RBMS3: variants seen among roughly 807,000 people sequenced by gnomAD.
RBMS3 encodes RNA binding motif single stranded interacting protein 3.
In RBMS3, 27 loss-of-function variants were observed where a neutral mutation model predicts 66.8. The ratio of observed to expected loss-of-function variants is 0.40; its 90% CI spans 0.30 to 0.56. The LOEUF (loss-of-function observed/expected upper bound fraction) is 0.56, where lower values mean the gene tolerates loss of function less well. Among genes scored for constraint, RBMS3 ranks in the 20% least tolerant of loss-of-function variants. RBMS3 has a pLI of 0.40. For synonymous variants in RBMS3, 188 were observed against 183.0 expected, an observed-to-expected ratio of 1.03 and a Z score of -0.22; for missense variants, 513 against 549.5, an observed-to-expected ratio of 0.93 and a Z score of 0.66.
At chr3:29,529,725 T>C (rs1299019814) in intron 3 of RBMS3, among the ~76,000 whole-genome samples, 2 of 152,180 alleles carry the variant, frequency 1.3e-5, no homozygotes, top group Non-Finnish European at 2.9e-5. Context: ...TCCCTAATTG[T>C]GCTTTATCTA....
intron 12 of RBMS3, among the ~76,000 whole-genome samples, chr3:29,951,407 A>T (rs1695672693): frequency 6.6e-6 from 1 of 151,860 alleles, no homozygotes; most frequent in Non-Finnish European, 1.5e-5. Context: ...TTATTTAATA[A>T]TTATTTAACA....
intron 2 of RBMS3, among the ~76,000 whole-genome samples, chr3:29,477,671 G>A (rs1223069228): frequency 6.6e-6 from 1 of 150,458 alleles, no homozygotes; most frequent in Non-Finnish European, 1.5e-5. Context: ...ATTAAAATTA[G>A]CTACTTGGGG....
At chr3:29,430,063 T>C (rs2041120122) in intron 1 of RBMS3, among the ~76,000 whole-genome samples, 1 of 152,200 alleles carries the variant, frequency 6.6e-6, no homozygotes, top group African/African-American at 2.4e-5. Context: ...TGTGCATTTG[T>C]CAGGCATTCC....
chr3:29,585,685 T>C (rs544865136), intron 3 of RBMS3, among the ~76,000 whole-genome samples: 4 of 152,274 alleles, frequency 2.6e-5, no homozygotes, highest in Middle Eastern at 3.4e-3. Flanking sequence ...ATTTCTTGAC[T>C]ATTACTTCCA....
At chr3:29,662,213 T>C (rs755436492) in intron 4 of RBMS3, among the ~76,000 whole-genome samples, 6 of 152,138 alleles carry the variant, frequency 3.9e-5, no homozygotes, top group Admixed American at 3.9e-4. Context: ...AATATACATA[T>C]GAAAACTTAT....
intron 4 of RBMS3, among the ~76,000 whole-genome samples, chr3:29,600,658 A>G (rs2048111867): frequency 6.6e-6 from 1 of 152,146 alleles, no homozygotes; most frequent in Middle Eastern, 3.2e-3. Flanking sequence ...TGAGCAACAT[A>G]AAGTAGCCAA....
intron 3 of RBMS3, among the ~76,000 whole-genome samples, chr3:29,527,754 A>G (rs2045187682): frequency 6.6e-6 from 1 of 151,832 alleles, no homozygotes; most frequent in Admixed American, 6.6e-5. Flanking sequence ...TTAACTTGTC[A>G]TTTACATTAG....
At chr3:29,294,745 A>G (rs1051107856) in intron 1 of RBMS3, among the ~76,000 whole-genome samples, 15 of 151,696 alleles carry the variant, frequency 9.9e-5, no homozygotes, top group Admixed American at 4.6e-4. Context: ...GAACTAGGAG[A>G]TGGTCTGAGT....
chr3:29,508,269 G>C (rs1280460498), intron 3 of RBMS3, among the ~76,000 whole-genome samples: 2 of 152,102 alleles, frequency 1.3e-5, no homozygotes, highest in African/African-American at 4.8e-5. Context: ...TGTTACATAG[G>C]TATACATGTG....
chr3:29,403,560 G>A (rs1258091545), intron 1 of RBMS3, among the ~76,000 whole-genome samples: 1 of 152,032 alleles, frequency 6.6e-6, no homozygotes, highest in Non-Finnish European at 1.5e-5. Flanking sequence ...CAATCATAAG[G>A]CAGATCAGAC....
intron 4 of RBMS3, among the ~76,000 whole-genome samples, chr3:29,694,400 A>G (rs942271888): frequency 2.6e-5 from 4 of 152,220 alleles, no homozygotes; most frequent in African/African-American, 9.6e-5. Context: ...TAGAAAGATA[A>G]ACCTTTTACA....
intron 1 of RBMS3, among the ~76,000 whole-genome samples, chr3:29,311,335 T>C (rs1337718438): frequency 6.6e-6 from 1 of 151,752 alleles, no homozygotes; most frequent in African/African-American, 2.4e-5. Context: ...AAAAATCTAA[T>C]AACGGTTTCT....
At chr3:29,971,497 T>C (rs1481671083) in intron 12 of RBMS3, among the ~76,000 whole-genome samples, 1 of 152,092 alleles carries the variant, frequency 6.6e-6, no homozygotes, top group African/African-American at 2.4e-5. Flanking sequence ...ATTTTAATAT[T>C]TTTCCTTTAA....
chr3:29,805,040 T>A (rs928870086), intron 6 of RBMS3, among the ~76,000 whole-genome samples: 1 of 152,008 alleles, frequency 6.6e-6, no homozygotes, highest in Non-Finnish European at 1.5e-5. Context: ...TAGTATTTTT[T>A]AAATTATCTG....
intron 2 of RBMS3, among the ~76,000 whole-genome samples, chr3:29,443,016 C>T (rs2041683488): frequency 6.6e-6 from 1 of 152,074 alleles, no homozygotes; most frequent in African/African-American, 2.4e-5. Flanking sequence ...ATATTGTCCA[C>T]CATCAACTAT....
At chr3:29,750,269 C>T (rs1376554637) in intron 5 of RBMS3, among the ~76,000 whole-genome samples, 5 of 152,074 alleles carry the variant, frequency 3.3e-5, no homozygotes, top group African/African-American at 1.2e-4. Flanking sequence ...TGTTGGGATT[C>T]TTTTCCACGA....
intron 1 of RBMS3, among the ~76,000 whole-genome samples, chr3:29,365,246 C>T (rs1269079396): frequency 1.3e-5 from 2 of 151,946 alleles, no homozygotes; most frequent in African/African-American, 2.4e-5. Context: ...GTGGGAAAGC[C>T]TTCAGAAAGC....
chr3:29,569,179 C>T (rs187605683), intron 3 of RBMS3, among the ~76,000 whole-genome samples: 20 of 152,128 alleles, frequency 1.3e-4, no homozygotes, highest in African/African-American at 4.1e-4. Context: ...AGGTCTTGAC[C>T]GTAGTTGGGA....
intron 3 of RBMS3, among the ~76,000 whole-genome samples, chr3:29,497,963 A>G (rs570802570): frequency 1.4e-5 from 2 of 138,808 alleles, no homozygotes; most frequent in African/African-American, 5.6e-5. Context: ...GTTATTCTCT[A>G]AAAGTATTCA....
Sources: gnomAD v4.1 joint callset for allele counts (sites outside exome capture counted in the v4.1 genomes callset) on GRCh38, gnomAD v4.1.1 for gene constraint, MANE v1.5 for transcripts, NCBI Gene and HGNC (gene_info 2026-07-23, HGNC 2026-07-21) for gene names.